Variants in OR2M4 observed in about 807,000 individuals in gnomAD.
The protein encoded by OR2M4 is olfactory receptor family 2 subfamily M member 4.
In OR2M4, 8 loss-of-function variants were observed where a neutral mutation model predicts 13.7. The observed-to-expected ratio is 0.58, with a 90% confidence interval of 0.34 to 1.05. The LOEUF (loss-of-function observed/expected upper bound fraction) is 1.05. Among genes scored for constraint, OR2M4 ranks in the 50% least tolerant of loss-of-function variants. The probability of loss-of-function intolerance (pLI) is 0.02; values close to 1 mark genes in which losing one functional copy is unlikely to be tolerated. For synonymous variants in OR2M4, 152 were observed against 141.3 expected (o/e 1.08, Z -0.53); for missense variants, 374 against 381.6 (o/e 0.98, Z 0.17).
chr1:248,239,309 T>C lies in OR2M4; in HGVS notation c.381T>C (p.Cys127=). ...CTTATGACCGCTATGTGGCTATATG[T>C]CACCCTCTTCAGTACACCATCCTCA... is the stretch of plus-strand genomic sequence containing the variant. ...VMAYDRYVAI[C]HPLQYTILMN... The change falls in exon 2 of 2, where the codon TGT becomes TGC. Residue 127 remains cysteine (C), a synonymous_variant. Coordinates refer to ENST00000641868, the MANE Select transcript of OR2M4 (RefSeq NM_017504.2). The C allele has an allele frequency of 6.2e-7, 1 of 1,614,106 alleles. No individual in the cohort carries two copies. The highest frequency in any genetic ancestry group is 8.5e-7 in the Non-Finnish European group (1 of 1,180,014).
Position 248,238,982 on chromosome 1 carries a change from C to A in OR2M4, c.54C>A (p.Phe18Leu), listed in dbSNP as rs542497942. Residue 18 changes from phenylalanine (F) to leucine (L), a missense_variant, in exon 2 of 2, where the codon TTC becomes TTA. By Grantham distance (22) the Phe-to-Leu change is conservative. Transcript: ENST00000641868. The part of the protein sequence containing the change: ...FNSIFILLGI[F>L]NHSPTHTFLF... The stretch of plus-strand genomic sequence containing the variant: ...CCATCTTCATCCTGCTGGGAATCTT[C>A]AATCACAGTCCCACCCACACCTTCC... The A allele has an allele frequency of 6.2e-7, 1 of 1,612,490 alleles. No individual in the cohort carries two copies. Among genetic ancestry groups the A allele is most frequent in the African/African-American group, 1.3e-5 (1 of 74,864 alleles).
At chr1:248,236,581 T>C (rs1386731623) in intron 1 of OR2M4, among the ~76,000 whole-genome samples, 4 of 149,280 alleles carry the variant, frequency 2.7e-5, no homozygotes, top group Admixed American at 1.3e-4. Context: ...CTGAAGGAGA[T>C]AGAGACACAA....
Position 248,239,061 on chromosome 1 carries a change from A to G in OR2M4, c.133A>G (p.Met45Val), listed in dbSNP as rs1666586694. The G allele has an allele frequency of 6.2e-7, 1 of 1,613,854 alleles. No homozygotes were observed. Among genetic ancestry groups the G allele is most frequent in the African/African-American group, 1.3e-5 (1 of 74,830 alleles). Residue 45 changes from methionine (M) to valine (V), a missense_variant, in exon 2 of 2, where the codon ATG (methionine) becomes GTG (valine). Transcript: ENST00000641868. Reference protein sequence around the residue: ...FSLALMENISMVLLIYIEKQL... With the variant: ...FSLALMENISVVLLIYIEKQL... Reference sequence around the variant, plus strand: ...ACTGGCATTGATGGAAAATATTTCCATGGTTCTCCTCATCTACATAGAGAA... The same window carrying G: ...ACTGGCATTGATGGAAAATATTTCCGTGGTTCTCCTCATCTACATAGAGAA...
intron 1 of OR2M4, among the ~76,000 whole-genome samples, chr1:248,236,629 G>T (rs967463986): frequency 2.0e-5 from 3 of 151,820 alleles, no homozygotes; most frequent in African/African-American, 7.3e-5. Flanking sequence ...TCCAAGAGTT[G>T]ATTTTTTGAA....
intron 1 of OR2M4, among the ~76,000 whole-genome samples, chr1:248,237,653 C>G (rs371825286): frequency 2.6e-5 from 4 of 152,104 alleles, no homozygotes; most frequent in South Asian, 2.1e-4. Context: ...CTCTGTCCCC[C>G]CCAAAAACAA....
intron 1 of OR2M4, among the ~76,000 whole-genome samples, chr1:248,237,097 G>C (rs1227461500): frequency 1.3e-5 from 2 of 152,126 alleles, no homozygotes; most frequent in African/African-American, 2.4e-5. Context: ...AAACCTGGCA[G>C]AGACACAACA....
Position 248,244,476 on chromosome 1 carries a change from G to C in OR2M4, c.*4612G>C, listed in dbSNP as rs1002850389. On this transcript the variant is annotated 3_prime_UTR_variant, in exon 2 of 2. Transcript: ENST00000641868. ...TACTGCATGTTCTCACTTATACATA[G>C]GAGCTAAACTTTGGGTACTCAAGGA... is the stretch of plus-strand genomic sequence containing the variant. 6.6e-6 allele frequency: 1 copy of C among 152,088 alleles called. No individual in the cohort carries two copies. Among genetic ancestry groups the C allele is most frequent in the Non-Finnish European group, 1.5e-5 (1 of 68,024 alleles). The allele number at this position is 152,088 out of a possible 1,614,324, so 9.4% of individuals were successfully genotyped here.
intron 1 of OR2M4, among the ~76,000 whole-genome samples, chr1:248,232,482 G>C (rs1351751822): frequency 6.6e-6 from 1 of 151,762 alleles, no homozygotes; most frequent in East Asian, 1.9e-4. Context: ...ATATTATTTT[G>C]TTTTCTTTTT....
At chr1:248,236,565 G>A (rs1666558069) in intron 1 of OR2M4, among the ~76,000 whole-genome samples, 1 of 151,542 alleles carries the variant, frequency 6.6e-6, no homozygotes, top group Non-Finnish European at 1.5e-5. Flanking sequence ...TAAGATCAGA[G>A]TGACACTGAA....
At chr1:248,232,615 A>G (rs921517444) in intron 1 of OR2M4, among the ~76,000 whole-genome samples, 1 of 151,858 alleles carries the variant, frequency 6.6e-6, no homozygotes, top group Non-Finnish European at 1.5e-5. Context: ...ATTCTTCTCC[A>G]TTTTTCATTA....
At position 248,239,580 on chromosome 1, in the gene OR2M4, T is replaced by A; in HGVS notation, c.652T>A (p.Tyr218Asn). 1 of 1,614,166 alleles carries A rather than the reference T, an allele frequency of 6.2e-7. No individual in the cohort carries two copies. Among genetic ancestry groups the A allele is most frequent in the Non-Finnish European group, 8.5e-7 (1 of 1,180,028 alleles). The change falls in exon 2 of 2, where the codon TAT (tyrosine) becomes AAT (asparagine). Residue 218 changes from tyrosine to asparagine, a missense_variant. Transcript: ENST00000641868. ...IFPVSVIILS[Y>N]SHVLRAVIHM... ...TCCAGTTTCAGTTATCATACTTTCCTATTCCCATGTCCTTCGAGCCGTCAT... is the reference window on the plus strand; with the variant it reads ...TCCAGTTTCAGTTATCATACTTTCCAATTCCCATGTCCTTCGAGCCGTCAT...
Position 248,239,833 on chromosome 1 carries a change from A to C in OR2M4, c.905A>C (p.Gln302Pro), listed in dbSNP as rs973173579. Reference sequence around the variant, plus strand: ...AACAAAGAAGTGTTCAGGGCACTACAGAAGGTACTGAAGAAAAGAAAGTTA... The same window carrying C: ...AACAAAGAAGTGTTCAGGGCACTACCGAAGGTACTGAAGAAAAGAAAGTTA... ...LRNKEVFRAL[Q>P]KVLKKRKLI Residue 302 changes from glutamine to proline, a missense_variant, in exon 2 of 2, where the codon CAG becomes CCG. By Grantham distance (76) the Gln-to-Pro change is moderately conservative. Coordinates refer to ENST00000641868, the MANE Select transcript of OR2M4 (RefSeq NM_017504.2). 4.5e-5 allele frequency: 72 copies of C among 1,607,218 alleles called. No homozygotes were observed. Among genetic ancestry groups the C allele is most frequent in the Non-Finnish European group, 5.8e-5 (68 of 1,177,668 alleles).
In OR2M4 at chr1:248,244,180, C is replaced by G. The variant is rs1446728826; in HGVS notation, c.*4316C>G. On this transcript the variant is annotated 3_prime_UTR_variant, in exon 2 of 2. Transcript: ENST00000641868. ...ACTTAAAACAGGGCTGCTACTTGACCCAGGAATGCTATTACTGGGGATACA... is the reference window on the plus strand; with the variant it reads ...ACTTAAAACAGGGCTGCTACTTGACGCAGGAATGCTATTACTGGGGATACA... The G allele has an allele frequency of 6.6e-6, 1 of 152,020 alleles. No individual in the cohort carries two copies. Among genetic ancestry groups the G allele is most frequent in the Non-Finnish European group, 1.5e-5 (1 of 68,014 alleles). 9.4% of individuals were successfully genotyped at this position (152,020 alleles called of 1,614,324 possible). A position where few individuals can be genotyped will look rare whatever the true frequency, so the allele number is the denominator to read the frequency against.
intron 1 of OR2M4, among the ~76,000 whole-genome samples, chr1:248,232,695 T>C (rs1572804143): frequency 6.6e-6 from 1 of 152,142 alleles, no homozygotes; most frequent in South Asian, 2.1e-4. Flanking sequence ...CAATTTCATG[T>C]GACATTGTAA....
intron 1 of OR2M4, among the ~76,000 whole-genome samples, chr1:248,232,536 G>A (rs1466697327): frequency 6.6e-6 from 1 of 151,538 alleles, no homozygotes; most frequent in African/African-American, 2.4e-5. Flanking sequence ...TTCCTCATAT[G>A]CCTTCACCTC....
chr1:248,236,440 A>G (rs1203869650), intron 1 of OR2M4, among the ~76,000 whole-genome samples: 6 of 152,188 alleles, frequency 3.9e-5, no homozygotes, highest in African/African-American at 1.4e-4. Flanking sequence ...AGAGCACTAA[A>G]TGCCCACATC....
chr1:248,235,478 G>A (rs1429431026), intron 1 of OR2M4, among the ~76,000 whole-genome samples: 5 of 152,138 alleles, frequency 3.3e-5, no homozygotes, highest in Admixed American at 3.3e-4. Flanking sequence ...GGATTGACTT[G>A]GCTACATGGG....
Position 248,239,046 on chromosome 1 carries a change from A to G in OR2M4, c.118A>G (p.Met40Val). ...LVLGIFSLALMENISMVLLIY... is the reference protein window; with the variant it reads ...LVLGIFSLALVENISMVLLIY... ...CCTGGGCATCTTCTCACTGGCATTG[A>G]TGGAAAATATTTCCATGGTTCTCCT... The change falls in exon 2 of 2, where the codon ATG becomes GTG. Residue 40 changes from methionine (M) to valine (V), a missense_variant. Physicochemically the swap from Met to Val is conservative, Grantham distance 21. Transcript: ENST00000641868. 6.2e-7 allele frequency: 1 copy of G among 1,613,936 alleles called. No homozygotes were observed. Among genetic ancestry groups the G allele is most frequent in the Admixed American group, 1.7e-5 (1 of 60,006 alleles).
intron 1 of OR2M4, among the ~76,000 whole-genome samples, chr1:248,238,116 GC>G (rs889715203): frequency 3.3e-5 from 5 of 152,204 alleles, no homozygotes; most frequent in African/African-American, 1.2e-4. Flanking sequence ...GTCAAAATGT[GC>G]CCCCATAGAT....
Sources: allele counts gnomAD v4.1 joint callset (sites outside exome capture counted in the v4.1 genomes callset), GRCh38; gene constraint gnomAD v4.1.1; transcripts MANE v1.5; gene names NCBI Gene and HGNC (gene_info 2026-07-23, HGNC 2026-07-21).